The following UTRN variants were observed in gnomAD, a reference collection of about 807,000 sequenced individuals.
UTRN encodes utrophin, also known as dystrophin-related protein 1.
In UTRN, 283 loss-of-function variants were observed where a neutral mutation model predicts 463.9. The observed-to-expected ratio is 0.61, with a 90% CI of 0.55 to 0.67. UTRN has a LOEUF of 0.67. Ranked by LOEUF, UTRN falls within the 30% of genes least tolerant of loss-of-function variation. UTRN has a pLI of 0.00. For synonymous variants in UTRN, 1,442 were observed against 1,431.5 expected (o/e 1.01, Z -0.17); for missense variants, 3,922 against 4,084.3 (o/e 0.96, Z 1.08).
intron 2 of UTRN, among the ~76,000 whole-genome samples, chr6:144,328,340 T>G (rs1484425068): frequency 6.6e-6 from 1 of 152,158 alleles, no homozygotes; most frequent in Admixed American, 6.5e-5. Flanking sequence ...GATAACTTTT[T>G]AGAGAGGTGA....
At chr6:144,536,146 G>C (rs1266961533) in intron 43 of UTRN, among the ~76,000 whole-genome samples, 1 of 152,064 alleles carries the variant, frequency 6.6e-6, no homozygotes, top group Non-Finnish European at 1.5e-5. Flanking sequence ...TTTTACTCTT[G>C]GGGATAATAT....
At chr6:144,485,638 A>G (rs993782428) in intron 28 of UTRN, 119 bp downstream of exon 28, 17 of 1,424,250 alleles carry the variant, frequency 1.2e-5, no homozygotes, top group African/African-American at 7.2e-5. Context: ...GTGGTTTTCA[A>G]TGTCACTTGC....
chr6:144,492,246 C>T (rs1394905104), intron 32 of UTRN, among the ~76,000 whole-genome samples: 2 of 152,180 alleles, frequency 1.3e-5, no homozygotes, highest in Non-Finnish European at 2.9e-5. Context: ...CATTGTTTAA[C>T]TCCCACTTAT....
At chr6:144,441,286 G>A (rs2114903107) in intron 13 of UTRN, among the ~76,000 whole-genome samples, 1 of 152,318 alleles carries the variant, frequency 6.6e-6, no homozygotes, top group African/African-American at 2.4e-5. Flanking sequence ...TCAAAAGCAA[G>A]TTAGTTACTT....
intron 33 of UTRN, among the ~76,000 whole-genome samples, chr6:144,496,568 AT>A (rs1793665478): frequency 6.6e-6 from 1 of 152,194 alleles, no homozygotes; most frequent in South Asian, 2.1e-4. Context: ...AATTAATTTT[AT>A]CATTTAAAGT....
intron 66 of UTRN, among the ~76,000 whole-genome samples, chr6:144,824,614 C>CTCTCTCT (rs1315487327): frequency 3.2e-5 from 1 of 30,878 alleles, no homozygotes; most frequent in African/African-American, 1.1e-4. Flanking sequence ...ATATATATAT[C>CTCTCTCT]TTTTTTTTTT....
chr6:144,729,080 G>T (rs1456555232), intron 53 of UTRN, among the ~76,000 whole-genome samples: 1 of 152,058 alleles, frequency 6.6e-6, no homozygotes, highest in Admixed American at 6.5e-5. Context: ...GGTGGCGTGT[G>T]CATGCTTCAT....
chr6:144,818,272 C>T (rs562853899), intron 65 of UTRN, among the ~76,000 whole-genome samples: 6 of 152,074 alleles, frequency 3.9e-5, no homozygotes, highest in Admixed American at 2.0e-4. Flanking sequence ...TTGTGGGAGG[C>T]GAAGGGTCAT....
At chr6:144,793,301 G>A (rs1287949253) in intron 62 of UTRN, among the ~76,000 whole-genome samples, 1 of 151,214 alleles carries the variant, frequency 6.6e-6, no homozygotes, top group Non-Finnish European at 1.5e-5. Context: ...TTTGAGTTGG[G>A]GTCTTGCTAT....
Position 144,788,396 on chromosome 6 carries a change from A to G in UTRN, c.8835-798A>G, listed in dbSNP as rs542632813. On this transcript the variant is annotated intron_variant, in intron 61 of 74. Coordinates refer to ENST00000367545, the MANE Select transcript of UTRN (RefSeq NM_007124.3). ...CTTAATTACCAATTAGTATTCAGCA[A>G]GTTGTAAGCTCTTAGTATATAGTTA... Among the ~76,000 whole-genome samples, 218 of 152,222 alleles carry G rather than the reference A, an allele frequency of 1.4e-3. 1 individual carries two copies. The highest frequency in any genetic ancestry group is 5.0e-3 in the African/African-American group (208 of 41,538).
chr6:144,773,270 A>G (rs1794285223), intron 59 of UTRN, among the ~76,000 whole-genome samples: 1 of 152,204 alleles, frequency 6.6e-6, no homozygotes, highest in Non-Finnish European at 1.5e-5. Context: ...GATGAGCTCC[A>G]TGAATAGTGA....
At chr6:144,312,153 C>G (rs1453047119) in intron 2 of UTRN, 1 of 152,260 alleles carries the variant, frequency 6.6e-6, no homozygotes, top group African/African-American at 2.4e-5. Flanking sequence ...GGGCCAGGCG[C>G]GGTGGCTCAT....
chr6:144,742,124 C>T (rs1370070001), intron 54 of UTRN, among the ~76,000 whole-genome samples: 1 of 152,168 alleles, frequency 6.6e-6, no homozygotes, highest in East Asian at 1.9e-4. Context: ...AGTCCACTGG[C>T]AGCATGGATG....
Position 144,827,630 on chromosome 6 carries a change from C to T in UTRN, c.9553C>T (p.Leu3185=). Residue 3185 remains leucine, a synonymous_variant, in exon 68 of 75, where the codon CTG becomes TTG. Transcript: ENST00000367545. ...EHYDPSQSPQ[L]FHDDTHSRIE... ...TTAAAGCCCCTCACAATCTCCTCAA[C>T]TGTTTCATGATGACACCCATTCAAG... is the stretch of plus-strand genomic sequence containing the variant. The T allele has an allele frequency of 6.2e-7, 1 of 1,613,626 alleles. No homozygotes were observed. Among genetic ancestry groups the T allele is most frequent in the East Asian group, 2.2e-5 (1 of 44,830 alleles).
intron 2 of UTRN, among the ~76,000 whole-genome samples, chr6:144,301,550 T>C (rs199531628): frequency 0.055 from 7,944 of 144,514 alleles, 643 homozygotes; most frequent in East Asian, 0.19. Flanking sequence ...TTTTTTTTTT[T>C]TTTTTTTTTT....
rs9376849 is a variant in UTRN at position 144,741,155 on chromosome 6, C to A, written c.7940-7091C>A. Among the ~76,000 whole-genome samples the A allele has an allele frequency of 3.3e-3, 505 of 152,288 alleles. 18 individuals carry two copies. The East Asian group carries it at 0.078, about 24-fold the overall frequency. On this transcript the variant is annotated intron_variant, in intron 54 of 74. Transcript: ENST00000367545. Reference sequence around the variant, plus strand: ...TATAATCCTAGCAAAGGCATGAATTCTCCTCTTCAATTAAACTCATCACTT... The same window carrying A: ...TATAATCCTAGCAAAGGCATGAATTATCCTCTTCAATTAAACTCATCACTT...
chr6:144,459,073 GCTT>G (rs1789153537), intron 20 of UTRN, 62 bp downstream of exon 20: 1 of 1,563,616 alleles, frequency 6.4e-7, no homozygotes, highest in African/African-American at 1.4e-5. Flanking sequence ...GTTAAGGAGG[GCTT>G]CTCGTATCAT....
At chr6:144,828,960 A>G (rs907387027) in intron 69 of UTRN, 105 bp downstream of exon 69, 6 of 1,347,180 alleles carry the variant, frequency 4.5e-6, no homozygotes, top group Admixed American at 3.8e-5. Flanking sequence ...ATCCCAATCA[A>G]AATTATTAAG....
At chr6:144,632,199 A>G (rs904875498) in intron 51 of UTRN, among the ~76,000 whole-genome samples, 1 of 152,232 alleles carries the variant, frequency 6.6e-6, no homozygotes, top group African/African-American at 2.4e-5. Context: ...GCACTAAGTT[A>G]TGAAAATGGA....
Sources: allele counts gnomAD v4.1 joint callset (sites outside exome capture counted in the v4.1 genomes callset), GRCh38; gene constraint gnomAD v4.1.1; transcripts MANE v1.5; gene names NCBI Gene and HGNC (gene_info 2026-07-23, HGNC 2026-07-21).